Variants in PDE8B observed in about 807,000 individuals in gnomAD.
PDE8B encodes high affinity cAMP-specific and IBMX-insensitive 3',5'-cyclic phosphodiesterase 8B.
In PDE8B, 26 loss-of-function variants were observed where a neutral mutation model predicts 101.3. That is an observed-to-expected ratio of 0.26 (90% CI 0.19 to 0.36). PDE8B has a LOEUF of 0.36. Among genes scored for constraint, PDE8B ranks in the 10% least tolerant of loss-of-function variants. The pLI, the probability that PDE8B is intolerant of heterozygous loss-of-function variation, is 1.00. For synonymous variants in PDE8B, 424 were observed against 429.3 expected (o/e 0.99, Z 0.15); for missense variants, 810 against 1,163.1 (o/e 0.70, Z 4.42).
At chr5:77,111,304 G>T in the PDE8B span, among the ~76,000 whole-genome samples, 2 of 152,160 alleles carry the variant, frequency 1.3e-5, no homozygotes, top group Non-Finnish European at 2.9e-5. Flanking sequence ...TAACTGCTAG[G>T]TATTAGCTTA....
chr5:77,405,417 C>A (rs1409905279), intron 12 of PDE8B, among the ~76,000 whole-genome samples: 1 of 152,028 alleles, frequency 6.6e-6, no homozygotes, highest in African/African-American at 2.4e-5. Context: ...CCAGGTTTTG[C>A]TAGGTTGGGG....
chr5:77,419,000 G>T (rs562571409), intron 18 of PDE8B, among the ~76,000 whole-genome samples: 2 of 152,278 alleles, frequency 1.3e-5, no homozygotes, highest in South Asian at 4.2e-4. Flanking sequence ...GCCTGGGAAG[G>T]GGGCAGTGTA....
chr5:77,404,585 G>C (rs1417285765), intron 11 of PDE8B, 135 bp from the exon 12 acceptor site: 1 of 638,460 alleles, frequency 1.6e-6, no homozygotes, highest in Non-Finnish European at 2.8e-6. Context: ...GTGGTTGACT[G>C]TTTCTTAAAA....
the PDE8B span, among the ~76,000 whole-genome samples, chr5:77,101,101 G>A: frequency 4.7e-5 from 7 of 149,764 alleles, no homozygotes; most frequent in Admixed American, 4.7e-4. Flanking sequence ...TCCCTAGCAG[G>A]TGGGACCACA....
At chr5:77,247,029 T>C (rs1015810795) in intron 1 of PDE8B, among the ~76,000 whole-genome samples, 3 of 152,244 alleles carry the variant, frequency 2.0e-5, no homozygotes, top group African/African-American at 7.2e-5. Context: ...ATGCTAATCT[T>C]GTCAACAGTG....
intron 1 of PDE8B, chr5:77,291,012 C>G (rs1767200013): frequency 7.4e-6 from 12 of 1,612,176 alleles, no homozygotes; most frequent in Admixed American, 1.7e-5. Context: ...CGGGAGCACT[C>G]AGGTGGGAAA....
rs78695199 is a variant in PDE8B at position 77,212,449 on chromosome 5, AT to A, written c.339+1195del. 5.9e-3 allele frequency among the ~76,000 whole-genome samples: 884 copies of A among 150,230 alleles called. 11 individuals carry two copies. The highest frequency in any genetic ancestry group is 0.02 in the African/African-American group (817 of 40,970). On this transcript the variant is annotated intron_variant, in intron 1 of 21. Coordinates refer to ENST00000264917, the MANE Select transcript of PDE8B (RefSeq NM_003719.5). The stretch of plus-strand genomic sequence containing the variant: ...AGTCCAAAAGTTTTTTAATGAACCT[AT>A]TTTTTTTTTAACAGCATCTGATTGT...
intron 6 of PDE8B, among the ~76,000 whole-genome samples, chr5:77,338,998 G>A (rs560288255): frequency 2.0e-5 from 3 of 152,272 alleles, no homozygotes; most frequent in South Asian, 2.1e-4. Context: ...AATGTTAGGG[G>A]CACCTTGTCC....
chr5:77,412,362 T>C (rs1415358393), intron 16 of PDE8B, 127 bp downstream of exon 16: 6 of 892,484 alleles, frequency 6.7e-6, no homozygotes, highest in Non-Finnish European at 9.1e-6. Flanking sequence ...TCTCATGCCA[T>C]GTTAGAGTAG....
At chr5:77,253,043 A>G (rs1413038091) in intron 1 of PDE8B, among the ~76,000 whole-genome samples, 1 of 150,970 alleles carries the variant, frequency 6.6e-6, no homozygotes, top group Non-Finnish European at 1.5e-5. Flanking sequence ...ACACAGCTCA[A>G]GAAAAAGCAG....
chr5:77,407,347 G>A (rs544878727), intron 12 of PDE8B, 34 bp from the exon 13 acceptor site: 31 of 1,587,500 alleles, frequency 2.0e-5, no homozygotes, highest in Middle Eastern at 1.7e-4. Context: ...CTGAGCCACC[G>A]GAACTGGACA....
At chr5:77,388,120 T>C (rs1360781503) in intron 10 of PDE8B, among the ~76,000 whole-genome samples, 1 of 152,172 alleles carries the variant, frequency 6.6e-6, no homozygotes, top group Non-Finnish European at 1.5e-5. Flanking sequence ...GTTCCCTTGC[T>C]GGCAAGGAGT....
At chr5:77,403,992 G>A (rs1256896735) in intron 11 of PDE8B, among the ~76,000 whole-genome samples, 4 of 148,796 alleles carry the variant, frequency 2.7e-5, no homozygotes, top group Non-Finnish European at 6.0e-5. Context: ...CTAATTTTTT[G>A]TTGGTTTTTT....
chr5:77,220,332 A>G (rs1356770832), intron 1 of PDE8B, among the ~76,000 whole-genome samples: 1 of 152,196 alleles, frequency 6.6e-6, no homozygotes, highest in Non-Finnish European at 1.5e-5. Flanking sequence ...TGATCCACTT[A>G]GCCTGATCTC....
the PDE8B span, chr5:77,098,766 T>C: frequency 3.3e-5 from 5 of 152,078 alleles, no homozygotes; most frequent in Non-Finnish European, 5.9e-5. Context: ...CTTTTTGCAT[T>C]ATCCCATGGC....
chr5:77,358,341 T>C (rs1009595457), intron 10 of PDE8B: 1 of 526,126 alleles, frequency 1.9e-6, no homozygotes, highest in Non-Finnish European at 2.4e-6. Context: ...CAGCTTCTCT[T>C]CCCCCCAGGA....
intron 1 of PDE8B, among the ~76,000 whole-genome samples, chr5:77,261,948 C>T (rs1234882424): frequency 6.6e-6 from 1 of 152,134 alleles, no homozygotes; most frequent in African/African-American, 2.4e-5. Context: ...TTGCTGACAG[C>T]CTCCTGTTTT....
Position 77,312,070 on chromosome 5 carries a change from C to G in PDE8B, c.399+17C>G. 1 of 1,555,750 alleles carries G rather than the reference C, an allele frequency of 6.4e-7. No homozygotes were observed. The highest frequency in any genetic ancestry group is 8.9e-7 in the Non-Finnish European group (1 of 1,127,140). On this transcript the variant is annotated intron_variant, in intron 2 of 21. Transcript: ENST00000264917. ...CCTATTCAGGTACGCCTCCTTTACTCAGCCCTGTGACTCAGATTATTTTCT... is the reference window on the plus strand; with the variant it reads ...CCTATTCAGGTACGCCTCCTTTACTGAGCCCTGTGACTCAGATTATTTTCT...
intron 10 of PDE8B, among the ~76,000 whole-genome samples, chr5:77,395,742 C>T (rs1249127624): frequency 6.6e-6 from 1 of 151,596 alleles, no homozygotes; most frequent in African/African-American, 2.4e-5. Flanking sequence ...CCCCCACCCC[C>T]TCACCAGACA....
Sources: allele counts gnomAD v4.1 joint callset (sites outside exome capture counted in the v4.1 genomes callset), GRCh38; gene constraint gnomAD v4.1.1; transcripts MANE v1.5; gene names NCBI Gene and HGNC (gene_info 2026-07-23, HGNC 2026-07-21).